SGK1: variants seen among roughly 807,000 people sequenced by gnomAD.
SGK1 encodes the protein serum/glucocorticoid regulated kinase 1, also known as serine/threonine-protein kinase Sgk1.
In SGK1, 26 loss-of-function variants were observed where a neutral mutation model predicts 64.2. The observed-to-expected ratio is 0.40, with a 90% confidence interval of 0.30 to 0.56. The LOEUF (loss-of-function observed/expected upper bound fraction) is 0.56, where lower values mean the gene tolerates loss of function less well. SGK1 is among the 20% of genes least tolerant of loss of function. SGK1 has a pLI of 0.38. For missense variants in SGK1, 519 were observed against 645.6 expected (o/e 0.80, Z 2.12); for synonymous variants, 265 against 239.7 (o/e 1.11, Z -0.98).
chr6:134,176,045 A>AT, intron 3 of SGK1: 1 of 970,398 alleles, frequency 1.0e-6, no homozygotes, highest in Non-Finnish European at 1.2e-6. Flanking sequence ...TCCGTTCCGC[A>AT]TGTAATTTTT....
At chr6:134,194,209 A>G (rs981506780) in intron 3 of SGK1, among the ~76,000 whole-genome samples, 1 of 151,540 alleles carries the variant, frequency 6.6e-6, no homozygotes, top group Admixed American at 6.6e-5. Flanking sequence ...ACGACATGCT[A>G]TATATATTTT....
At chr6:134,174,153 T>TC (rs3215438) in intron 4 of SGK1, 73 bp from the exon 5 acceptor site, 485,977 of 1,085,256 alleles carry the variant, frequency 0.45, 115,743 homozygotes, top group Non-Finnish European at 0.5. Context: ...AAAGTGAGTT[T>TC]CTGGCTCTAC....
chr6:134,282,526 A>T (rs533402503), intron 1 of SGK1, among the ~76,000 whole-genome samples: 1 of 150,384 alleles, frequency 6.6e-6, no homozygotes, highest in African/African-American at 2.5e-5. Context: ...GGTGGCGCAC[A>T]CCTGTAATTC....
At chr6:134,191,723 C>T (rs951074967) in intron 3 of SGK1, among the ~76,000 whole-genome samples, 8 of 151,018 alleles carry the variant, frequency 5.3e-5, no homozygotes, top group African/African-American at 1.9e-4. Flanking sequence ...GGCTGGAGTG[C>T]AGTGGCGTGA....
At chr6:134,228,750 A>C (rs751372812) in intron 2 of SGK1, among the ~76,000 whole-genome samples, 3 of 152,110 alleles carry the variant, frequency 2.0e-5, no homozygotes, top group Non-Finnish European at 4.4e-5. Flanking sequence ...TTTGCTTATG[A>C]TACCTTATTT....
chr6:134,222,597 AAGTG>A (rs1247705886), intron 2 of SGK1, among the ~76,000 whole-genome samples: 1 of 152,132 alleles, frequency 6.6e-6, no homozygotes, highest in Non-Finnish European at 1.5e-5. Flanking sequence ...CATCCTCGCA[AAGTG>A]CTGGGATTAC....
chr6:134,283,889 A>ACC (rs1777139098), intron 1 of SGK1, among the ~76,000 whole-genome samples: 2 of 145,214 alleles, frequency 1.4e-5, no homozygotes, highest in African/African-American at 2.7e-5. Context: ...AAAAAAAAAA[A>ACC]AAAAAAAAAA....
intron 1 of SGK1, among the ~76,000 whole-genome samples, chr6:134,276,432 T>C (rs192328709): frequency 1.8e-4 from 27 of 152,168 alleles, no homozygotes; most frequent in Non-Finnish European, 3.2e-4. Context: ...AGCATGCTCA[T>C]AGAGAGGGCC....
At chr6:134,315,557 T>A (rs1440639705) in intron 1 of SGK1, among the ~76,000 whole-genome samples, 2 of 152,198 alleles carry the variant, frequency 1.3e-5, no homozygotes, top group Non-Finnish European at 2.9e-5. Context: ...TACATTTTGA[T>A]AACAAAGAAA....
intron 1 of SGK1, among the ~76,000 whole-genome samples, chr6:134,295,502 G>A (rs531770167): frequency 3.2e-4 from 48 of 152,276 alleles, no homozygotes; most frequent in Non-Finnish European, 5.0e-4. Context: ...TCAGGAGTTC[G>A]AGACAAGCCT....
chr6:134,173,637 G>A lies in SGK1; in HGVS notation c.514-71C>T, dbSNP rs571674234. 50 of 1,047,788 alleles carry A rather than the reference G, an allele frequency of 4.8e-5. 1 individual carries two copies. In the South Asian group the frequency reaches 6.6e-4, roughly 14 times the overall value. 64.9% of individuals were successfully genotyped at this position (1,047,788 alleles called of 1,614,324 possible). Reference sequence around the variant, plus strand: ...GGAAGACATCTATAACATAAACGATGTAGAAAATGTTACATCTACAAATGA... The same window carrying A: ...GGAAGACATCTATAACATAAACGATATAGAAAATGTTACATCTACAAATGA... On this transcript the variant is annotated intron_variant, in intron 5 of 13. Coordinates refer to ENST00000367858, the MANE Select transcript of SGK1 (RefSeq NM_001143676.3).
chr6:134,218,468 C>G, intron 2 of SGK1, among the ~76,000 whole-genome samples: 1 of 131,634 alleles, frequency 7.6e-6, no homozygotes, highest in South Asian at 2.4e-4. Flanking sequence ...GAGTCTGGCT[C>G]TGTTGCCCAG....
At chr6:134,276,599 T>C (rs1777020720) in intron 1 of SGK1, among the ~76,000 whole-genome samples, 1 of 152,152 alleles carries the variant, frequency 6.6e-6, no homozygotes, top group Non-Finnish European at 1.5e-5. Flanking sequence ...TGATCAGATT[T>C]GCTATCTTCT....
At chr6:134,267,794 C>T (rs1312426662) in intron 1 of SGK1, among the ~76,000 whole-genome samples, 1 of 152,178 alleles carries the variant, frequency 6.6e-6, no homozygotes, top group Non-Finnish European at 1.5e-5. Context: ...TACTCCCTTT[C>T]TCCAGAAGCA....
Position 134,309,269 on chromosome 6 carries a change from T to C in SGK1, c.69+8123A>G, listed in dbSNP as rs539669234. Reference sequence around the variant, plus strand: ...GAAATAGATGTGAGAGTAAACAAACTATAATAATAATCCTTTCTCCACATG... The same window carrying C: ...GAAATAGATGTGAGAGTAAACAAACCATAATAATAATCCTTTCTCCACATG... On this transcript the variant is annotated intron_variant, in intron 1 of 13. Coordinates refer to ENST00000367858, the MANE Select transcript of SGK1 (RefSeq NM_001143676.3). Among the ~76,000 whole-genome samples the C allele has an allele frequency of 9.8e-5, 15 of 152,306 alleles. No individual in the cohort carries two copies. In the South Asian group the frequency reaches 3.1e-3, roughly 32 times the overall value.
intron 2 of SGK1, chr6:134,260,389 A>C (rs1562267344): frequency 1.6e-5 from 2 of 122,054 alleles, no homozygotes; most frequent in African/African-American, 5.7e-5. Flanking sequence ...CCCCAAAAAA[A>C]GGGCCGGCGT....
intron 3 of SGK1, among the ~76,000 whole-genome samples, chr6:134,197,551 C>A (rs370797825): frequency 2.6e-5 from 4 of 151,958 alleles, no homozygotes; most frequent in South Asian, 2.1e-4. Flanking sequence ...GTAGGCCGGG[C>A]GTGGTGGTTC....
chr6:134,287,829 T>C (rs1777209371), intron 1 of SGK1, among the ~76,000 whole-genome samples: 1 of 152,162 alleles, frequency 6.6e-6, no homozygotes, highest in South Asian at 2.1e-4. Context: ...GACCCTGTGC[T>C]CTATTTTGTT....
At chr6:134,305,213 G>A (rs143628459) in intron 1 of SGK1, among the ~76,000 whole-genome samples, 3,806 of 152,012 alleles carry the variant, frequency 0.025, 68 homozygotes, top group East Asian at 0.082. Flanking sequence ...ACAAAAATTA[G>A]CTGGGCATGG....
Sources: allele counts gnomAD v4.1 joint callset (sites outside exome capture counted in the v4.1 genomes callset), GRCh38; gene constraint gnomAD v4.1.1; transcripts MANE v1.5; gene names NCBI Gene and HGNC (gene_info 2026-07-23, HGNC 2026-07-21).